Variants in CLDN10 observed in about 807,000 individuals in gnomAD.
CLDN10 encodes the protein claudin-10.
In CLDN10, 15 loss-of-function variants were observed where a neutral mutation model predicts 22.9. The observed-to-expected ratio is 0.65, with a 90% CI of 0.44 to 1.01. The LOEUF is 1.01. Ranked by LOEUF, CLDN10 falls within the 50% of genes least tolerant of loss-of-function variation. The pLI is 0.00. For missense variants in CLDN10, 247 were observed against 287.8 expected, an observed-to-expected ratio of 0.86 and a Z score of 1.03; for synonymous variants, 114 against 111.4, an observed-to-expected ratio of 1.02 and a Z score of -0.15.
chr13:95,510,460 G>A (rs1328229597), intron 1 of CLDN10, among the ~76,000 whole-genome samples: 1 of 152,092 alleles, frequency 6.6e-6, no homozygotes, highest in Non-Finnish European at 1.5e-5. Flanking sequence ...CTTTGTGCTG[G>A]CATCAATTAG....
At chr13:95,438,278 T>G (rs1241809332) in intron 1 of CLDN10, among the ~76,000 whole-genome samples, 1 of 152,236 alleles carries the variant, frequency 6.6e-6, no homozygotes, top group East Asian at 1.9e-4. Flanking sequence ...CATAATTAGC[T>G]GGACATGGTA....
Position 95,553,121 on chromosome 13 carries a change from G to A in CLDN10, c.220+148G>A, listed in dbSNP as rs1172245798. On this transcript the variant is annotated intron_variant, in intron 1 of 4. Coordinates refer to ENST00000299339, the MANE Select transcript of CLDN10 (RefSeq NM_006984.5). ...GTCTCTCCCAACAGGGCCTTAGGGAGCCAGGGACGCTCCTGGTGCCCGCCC... is the reference window on the plus strand; with the variant it reads ...GTCTCTCCCAACAGGGCCTTAGGGAACCAGGGACGCTCCTGGTGCCCGCCC... The A allele has an allele frequency of 2.0e-5, 23 of 1,152,202 alleles. No homozygotes were observed. The Middle Eastern group carries it at 8.9e-4, about 44-fold the overall frequency. 71.4% of individuals were successfully genotyped at this position (1,152,202 alleles called of 1,614,324 possible).
At chr13:95,443,307 T>C (rs1479322769) in intron 1 of CLDN10, among the ~76,000 whole-genome samples, 3 of 152,228 alleles carry the variant, frequency 2.0e-5, no homozygotes, top group Non-Finnish European at 4.4e-5. Flanking sequence ...ACAATGATGA[T>C]GTCTAGTTAC....
At chr13:95,437,196 T>G (rs1450724155) in intron 1 of CLDN10, among the ~76,000 whole-genome samples, 1 of 152,156 alleles carries the variant, frequency 6.6e-6, no homozygotes, top group Admixed American at 6.5e-5. Flanking sequence ...AAAAATTTGA[T>G]GTGAGCAAAC....
At chr13:95,560,591 ACAT>A in intron 3 of CLDN10, 128 bp downstream of exon 3, 1 of 704,602 alleles carries the variant, frequency 1.4e-6, no homozygotes, top group Admixed American at 2.7e-5. Flanking sequence ...GTAACTGATG[ACAT>A]CATTCAAGAT....
At chr13:95,444,283 C>A (rs1286422984) in intron 1 of CLDN10, among the ~76,000 whole-genome samples, 1 of 152,206 alleles carries the variant, frequency 6.6e-6, no homozygotes, top group African/African-American at 2.4e-5. Context: ...ATAGAAAGCG[C>A]CACTGCTCCT....
intron 1 of CLDN10, among the ~76,000 whole-genome samples, chr13:95,559,772 ATTTCACTATAT>A (rs2043681425): frequency 6.6e-6 from 1 of 152,128 alleles, no homozygotes; most frequent in Admixed American, 6.5e-5. Flanking sequence ...TCACTGTGGA[ATTTCACTATAT>A]GGAATTCGTA....
intron 1 of CLDN10, among the ~76,000 whole-genome samples, chr13:95,539,001 T>G (rs1307468194): frequency 6.6e-6 from 1 of 152,176 alleles, no homozygotes; most frequent in Non-Finnish European, 1.5e-5. Context: ...GGCCTCAGCC[T>G]CCCGAGTAGC....
rs577546647 is a variant in CLDN10 at position 95,577,517 on chromosome 13, A to T, written c.572+179A>T. On this transcript the variant is annotated intron_variant, in intron 4 of 4. Coordinates refer to ENST00000299339, the MANE Select transcript of CLDN10 (RefSeq NM_006984.5). The stretch of plus-strand genomic sequence containing the variant: ...TTTACCATTACTATATTCCAAAGAA[A>T]ATTCTAACGTAGAAATAAGGGTCTG... 2.5e-3 allele frequency among the ~76,000 whole-genome samples: 382 copies of T among 152,336 alleles called. 4 individuals are homozygous for T. The highest frequency in any genetic ancestry group is 8.9e-3 in the African/African-American group (369 of 41,576).
chr13:95,512,001 C>A (rs2043106555), intron 1 of CLDN10, among the ~76,000 whole-genome samples: 1 of 124,150 alleles, frequency 8.1e-6, no homozygotes, highest in Non-Finnish European at 1.8e-5. Flanking sequence ...CCCCCCCTCT[C>A]CCCCCACCCC....
At chr13:95,505,989 C>G (rs2043034590) in intron 1 of CLDN10, among the ~76,000 whole-genome samples, 1 of 152,192 alleles carries the variant, frequency 6.6e-6, no homozygotes, top group Non-Finnish European at 1.5e-5. Context: ...ATCCACCTGC[C>G]TCGACCTCCC....
chr13:95,540,408 C>T (rs1436602287), intron 1 of CLDN10, among the ~76,000 whole-genome samples: 3 of 152,016 alleles, frequency 2.0e-5, no homozygotes, highest in Non-Finnish European at 2.9e-5. Context: ...GCAAGAGAAT[C>T]GCTTGAGCCT....
intron 1 of CLDN10, among the ~76,000 whole-genome samples, chr13:95,500,035 T>C (rs1259964762): frequency 6.6e-6 from 1 of 152,136 alleles, no homozygotes; most frequent in East Asian, 1.9e-4. Flanking sequence ...AGGCCATGGG[T>C]TGGACAAGCT....
At chr13:95,470,695 C>T (rs901219322) in intron 1 of CLDN10, among the ~76,000 whole-genome samples, 9 of 152,150 alleles carry the variant, frequency 5.9e-5, no homozygotes, top group Non-Finnish European at 1.0e-4. Context: ...ACAGCAACTT[C>T]CTGCTGGCCG....
chr13:95,469,774 A>C (rs1175284190), intron 1 of CLDN10, among the ~76,000 whole-genome samples: 1 of 152,218 alleles, frequency 6.6e-6, no homozygotes, highest in East Asian at 1.9e-4. Context: ...AAAAATGCTT[A>C]TGAGACATTT....
chr13:95,510,085 C>G (rs1385387373), intron 1 of CLDN10, among the ~76,000 whole-genome samples: 1 of 152,228 alleles, frequency 6.6e-6, no homozygotes, highest in East Asian at 1.9e-4. Context: ...CTCTCTTGAG[C>G]TTTTGCAAGC....
chr13:95,559,181 C>G (rs1425238540), intron 1 of CLDN10, among the ~76,000 whole-genome samples: 1 of 152,172 alleles, frequency 6.6e-6, no homozygotes, highest in Non-Finnish European at 1.5e-5. Context: ...GCTACTATCA[C>G]TATTTTAGAT....
At chr13:95,552,608 C>A, upstream of CLDN10, 2 of 1,024,276 alleles carry the variant, frequency 2.0e-6, no homozygotes. Flanking sequence ...GTCGCGTGCG[C>A]CCCCTGGCGC....
intron 1 of CLDN10, among the ~76,000 whole-genome samples, chr13:95,531,349 C>T (rs2043340072): frequency 6.6e-6 from 1 of 152,034 alleles, no homozygotes; most frequent in Non-Finnish European, 1.5e-5. Context: ...ATTTGATTAG[C>T]AATATGAAAG....
Sources: gnomAD v4.1 joint callset for allele counts (sites outside exome capture counted in the v4.1 genomes callset) on GRCh38, gnomAD v4.1.1 for gene constraint, MANE v1.5 for transcripts, NCBI Gene and HGNC (gene_info 2026-07-23, HGNC 2026-07-21) for gene names.